NELL2: variants seen among roughly 807,000 people sequenced by gnomAD.
The protein encoded by NELL2 is protein kinase C-binding protein NELL2.
A neutral mutation model predicts 109.6 loss-of-function variants in NELL2; 41 were observed. That is an observed-to-expected ratio of 0.37 (90% CI 0.29 to 0.49). The LOEUF is 0.49. NELL2 is among the 20% of genes least tolerant of loss of function. NELL2 has a pLI of 0.98. For synonymous variants in NELL2, 355 were observed against 344.7 expected, an observed-to-expected ratio of 1.03 and a Z score of -0.33; for missense variants, 900 against 1,008.3, an observed-to-expected ratio of 0.89 and a Z score of 1.45.
At chr12:44,553,167 C>A (rs1325640865) in intron 15 of NELL2, among the ~76,000 whole-genome samples, 3 of 148,638 alleles carry the variant, frequency 2.0e-5, no homozygotes, top group Non-Finnish European at 4.5e-5. Flanking sequence ...ATACCTAATG[C>A]TAGATGACAC....
chr12:44,620,211 C>T (rs1226262618), intron 13 of NELL2, among the ~76,000 whole-genome samples: 1 of 150,754 alleles, frequency 6.6e-6, no homozygotes, highest in Non-Finnish European at 1.5e-5. Context: ...AAAATGTACT[C>T]TATTGATGGT....
chr12:44,718,754 C>T lies in NELL2; in HGVS notation c.995-4013G>A, dbSNP rs79787405. On this transcript the variant is annotated intron_variant, in intron 9 of 19. Coordinates refer to ENST00000429094, the MANE Select transcript of NELL2 (RefSeq NM_001145108.2). ...CTTATCAGTTTGTAGACTAAGAATG[C>T]TATACCATTTTGAAATCATATTAAC... 1.1e-3 allele frequency among the ~76,000 whole-genome samples: 166 copies of T among 152,236 alleles called. 1 individual carries two copies. In the East Asian group the frequency reaches 0.028, roughly 26 times the overall value.
intron 12 of NELL2, among the ~76,000 whole-genome samples, chr12:44,680,920 T>G (rs1948474805): frequency 6.6e-6 from 1 of 152,166 alleles, no homozygotes; most frequent in African/African-American, 2.4e-5. Context: ...CATTTCATTG[T>G]TTTTCCCACA....
chr12:44,704,051 C>T (rs565486329), intron 11 of NELL2, among the ~76,000 whole-genome samples, 197 bp from the exon 12 acceptor site: 6 of 152,144 alleles, frequency 3.9e-5, no homozygotes, highest in Admixed American at 3.3e-4. Flanking sequence ...CAATTAATTT[C>T]GATTTCAAGT....
At chr12:44,639,373 T>C (rs4768566) in intron 13 of NELL2, among the ~76,000 whole-genome samples, 12,443 of 152,252 alleles carry the variant, frequency 0.082, 594 homozygotes, top group Non-Finnish European at 0.1. Context: ...TTTCCAGCGT[T>C]ATCATAACGA....
Position 44,711,324 on chromosome 12 carries a change from G to A in NELL2, c.1157C>T (p.Thr386Ile), listed in dbSNP as rs1212166113. 3 of 1,612,442 alleles carry A rather than the reference G, an allele frequency of 1.9e-6. No homozygotes were observed. The highest frequency in any genetic ancestry group is 4.5e-5 in the East Asian group (2 of 44,870). The change falls in exon 11 of 20, where the codon ACC (threonine) becomes ATC (isoleucine). Residue 386 changes from threonine to isoleucine, a missense_variant. This residue lies in a region of NELL2 where 292 missense variants were observed against 265.3 expected (regional missense o/e 1.10). Transcript: ENST00000429094. ...ALDCPESHQI[T>I]LSHSCCKVCK... Reference sequence around the variant, plus strand: ...AACTTTGCAACAGCTGTGAGACAAGGTTATCTGATGAGACTCTGGACAATC... The same window carrying A: ...AACTTTGCAACAGCTGTGAGACAAGATTATCTGATGAGACTCTGGACAATC...
At chr12:44,571,455 T>G (rs2136195998) in intron 15 of NELL2, among the ~76,000 whole-genome samples, 1 of 152,322 alleles carries the variant, frequency 6.6e-6, no homozygotes, top group East Asian at 1.9e-4. Flanking sequence ...AAGAATCCAG[T>G]AAAGCAATTA....
chr12:44,513,497 C>T (rs1941094287), intron 19 of NELL2, among the ~76,000 whole-genome samples: 1 of 151,774 alleles, frequency 6.6e-6, no homozygotes, highest in Non-Finnish European at 1.5e-5. Context: ...TGGAAAGTAT[C>T]TATCATAAAT....
intron 15 of NELL2, among the ~76,000 whole-genome samples, chr12:44,593,285 T>G (rs763558953): frequency 3.3e-4 from 51 of 152,262 alleles, no homozygotes; most frequent in Non-Finnish European, 6.3e-4. Flanking sequence ...GATGATTACA[T>G]GTATAATCTT....
At chr12:44,774,042 G>GA (rs952692879) in intron 9 of NELL2, among the ~76,000 whole-genome samples, 3 of 152,016 alleles carry the variant, frequency 2.0e-5, no homozygotes, top group Non-Finnish European at 4.4e-5. Flanking sequence ...CTCCTTTGTG[G>GA]AAAAAACAGC....
chr12:44,779,890 G>A lies in NELL2; in HGVS notation c.468C>T (p.Ala156=), dbSNP rs2136597969. The change falls in exon 4 of 20, where the codon GCC becomes GCT. Residue 156 remains alanine (A), a synonymous_variant. Coordinates refer to ENST00000429094, the MANE Select transcript of NELL2 (RefSeq NM_001145108.2). ...GTAAAATCAAATGGGAAGCACTGAT[G>A]GCTAAGGAGAGCTTGTGCCACTTGT... ...ADDKWHKLSL[A]ISASHLILHI... 1 of 1,613,898 alleles carries A rather than the reference G, an allele frequency of 6.2e-7. No individual in the cohort carries two copies. The highest frequency in any genetic ancestry group is 8.5e-7 in the Non-Finnish European group (1 of 1,179,816).
upstream of NELL2, among the ~76,000 whole-genome samples, chr12:44,917,834 C>A (rs1416777888): frequency 6.6e-6 from 1 of 152,128 alleles, no homozygotes; most frequent in Non-Finnish European, 1.5e-5. Flanking sequence ...AACTAAATGG[C>A]CTCTAAGCAC....
At chr12:44,745,919 A>C (rs1254612555) in intron 9 of NELL2, among the ~76,000 whole-genome samples, 1 of 152,188 alleles carries the variant, frequency 6.6e-6, no homozygotes, top group Admixed American at 6.5e-5. Context: ...GCTACCAATG[A>C]CTTTCTTCAC....
intron 13 of NELL2, among the ~76,000 whole-genome samples, chr12:44,612,824 G>A (rs1167978843): frequency 2.0e-5 from 3 of 152,008 alleles, no homozygotes; most frequent in Non-Finnish European, 4.4e-5. Context: ...TGCCTTGGTT[G>A]TCTTTTTAAT....
intron 12 of NELL2, among the ~76,000 whole-genome samples, chr12:44,686,301 C>T (rs374859374): frequency 3.3e-5 from 5 of 152,120 alleles, no homozygotes; most frequent in Admixed American, 1.3e-4. Context: ...TTGGTTATTC[C>T]AGTTATACAT....
intron 13 of NELL2, among the ~76,000 whole-genome samples, chr12:44,657,318 A>G (rs1049719371): frequency 3.9e-5 from 6 of 152,180 alleles, no homozygotes; most frequent in Non-Finnish European, 7.4e-5. Context: ...GAGAGAAAGA[A>G]AAGAGAGAGA....
chr12:44,695,227 A>T (rs1949026625), intron 12 of NELL2, among the ~76,000 whole-genome samples: 1 of 148,262 alleles, frequency 6.7e-6, no homozygotes, highest in Non-Finnish European at 1.5e-5. Flanking sequence ...TGGTTACATG[A>T]TTTCTCTAAT....
intron 15 of NELL2, among the ~76,000 whole-genome samples, chr12:44,597,777 G>C (rs1945024609): frequency 6.6e-6 from 1 of 152,030 alleles, no homozygotes; most frequent in African/African-American, 2.4e-5. Flanking sequence ...TGAGGAAAAA[G>C]GTAAGGGAGG....
chr12:44,722,386 G>GAA (rs761337754), intron 9 of NELL2, among the ~76,000 whole-genome samples: 24 of 152,046 alleles, frequency 1.6e-4, no homozygotes, highest in Non-Finnish European at 3.2e-4. Context: ...GGCTTGTTTT[G>GAA]AAGTCCTGAC....
Sources: gnomAD v4.1 joint callset for allele counts (sites outside exome capture counted in the v4.1 genomes callset) on GRCh38, gnomAD v4.1.1 for gene constraint, gnomAD v4.1.1 regional missense constraint, MANE v1.5 for transcripts, NCBI Gene and HGNC (gene_info 2026-07-23, HGNC 2026-07-21) for gene names.